The following INPP4B variants were observed in gnomAD, a reference collection of about 807,000 sequenced individuals.
INPP4B encodes the protein inositol polyphosphate 4-phosphatase type II.
A neutral mutation model predicts 122.5 loss-of-function variants in INPP4B; 55 were observed. The observed-to-expected ratio is 0.45, with a 90% CI of 0.36 to 0.56. The LOEUF (loss-of-function observed/expected upper bound fraction) is 0.56. INPP4B is among the 20% of genes least tolerant of loss of function. The pLI, the probability that INPP4B is intolerant of heterozygous loss-of-function variation, is 0.00. For missense variants in INPP4B, 1,000 were observed against 1,097.7 expected, an observed-to-expected ratio of 0.91 and a Z score of 1.26; for synonymous variants, 403 against 388.7, an observed-to-expected ratio of 1.04 and a Z score of -0.43.
chr4:142,330,787 G>A (rs766369365), intron 7 of INPP4B, among the ~76,000 whole-genome samples: 34 of 152,126 alleles, frequency 2.2e-4, no homozygotes, highest in Non-Finnish European at 2.9e-4. Flanking sequence ...TATGTTTTGT[G>A]CGTAAAGTGG....
chr4:142,060,344 G>GT (rs1318405394), intron 25 of INPP4B, among the ~76,000 whole-genome samples: 1 of 152,030 alleles, frequency 6.6e-6, no homozygotes, highest in Non-Finnish European at 1.5e-5. Context: ...GAATAAAAAT[G>GT]TATTCATTTA....
intron 11 of INPP4B, among the ~76,000 whole-genome samples, chr4:142,251,082 T>C (rs894307476): frequency 1.3e-5 from 2 of 152,192 alleles, no homozygotes; most frequent in African/African-American, 4.8e-5. Flanking sequence ...TAAAGATCTA[T>C]TTTTCAATAT....
chr4:142,547,253 T>C (rs1271251771), intron 2 of INPP4B, among the ~76,000 whole-genome samples: 1 of 152,030 alleles, frequency 6.6e-6, no homozygotes, highest in Admixed American at 6.6e-5. Flanking sequence ...ATACAAGTAG[T>C]ATTTCTGGAG....
intron 7 of INPP4B, chr4:142,347,514 G>A: frequency 2.3e-6 from 1 of 441,312 alleles, no homozygotes; most frequent in Middle Eastern, 3.3e-4. Flanking sequence ...ACTTGCCTCA[G>A]GGGTCAAAAA....
At chr4:142,169,455 C>T (rs960341899) in intron 16 of INPP4B, among the ~76,000 whole-genome samples, 3 of 151,662 alleles carry the variant, frequency 2.0e-5, no homozygotes, top group Admixed American at 6.6e-5. Flanking sequence ...AAGTAATCAA[C>T]ATAACATTCT....
chr4:142,725,178 A>C (rs1322126275), intron 2 of INPP4B, among the ~76,000 whole-genome samples: 1 of 152,150 alleles, frequency 6.6e-6, no homozygotes, highest in African/African-American at 2.4e-5. Flanking sequence ...TGTCATTAGA[A>C]TATTTGCATG....
At chr4:142,449,851 A>G (rs780808800) in intron 3 of INPP4B, among the ~76,000 whole-genome samples, 2 of 152,206 alleles carry the variant, frequency 1.3e-5, no homozygotes, top group Non-Finnish European at 2.9e-5. Flanking sequence ...TAAAAAGCCA[A>G]TGTGGGCTAC....
chr4:142,202,853 A>T (rs1172460341), intron 14 of INPP4B: 1 of 797,708 alleles, frequency 1.3e-6, no homozygotes, highest in Non-Finnish European at 1.5e-6. Flanking sequence ...GGGCAAGCCC[A>T]TTCATTCCCT....
intron 5 of INPP4B, among the ~76,000 whole-genome samples, chr4:142,416,906 A>G (rs187509945): frequency 3.9e-4 from 59 of 152,318 alleles, no homozygotes; most frequent in African/African-American, 1.3e-3. Context: ...GTGATCCAGG[A>G]TATAAGAGAA....
At chr4:142,799,985 A>G (rs546454053) in intron 1 of INPP4B, among the ~76,000 whole-genome samples, 2 of 152,212 alleles carry the variant, frequency 1.3e-5, no homozygotes, top group South Asian at 4.1e-4. Flanking sequence ...CACAGCTTAA[A>G]TTTCCAGAAG....
At chr4:142,428,191 G>A (rs532406197) in intron 5 of INPP4B, among the ~76,000 whole-genome samples, 1 of 150,986 alleles carries the variant, frequency 6.6e-6, no homozygotes, top group South Asian at 2.1e-4. Flanking sequence ...TAATAAAAAT[G>A]CATGTTCCTA....
rs571868126 is a variant in INPP4B, at chr4:142,613,509, T to C, written c.-191+112330A>G. 2.6e-5 allele frequency among the ~76,000 whole-genome samples: 4 copies of C among 152,300 alleles called. No individual in the cohort carries two copies. In the East Asian group the frequency reaches 7.7e-4, roughly 29 times the overall value. ...CATACATACACTGATTATACTGCAGTAGACTCTCAGTGTGTAGCTATGGCT... is the reference window on the plus strand; with the variant it reads ...CATACATACACTGATTATACTGCAGCAGACTCTCAGTGTGTAGCTATGGCT... On this transcript the variant is annotated intron_variant, in intron 2 of 25. Coordinates refer to ENST00000262992, the MANE Select transcript of INPP4B (RefSeq NM_001101669.3).
intron 2 of INPP4B, among the ~76,000 whole-genome samples, chr4:142,481,545 TGTTA>T (rs1210518015): frequency 6.6e-6 from 1 of 152,158 alleles, no homozygotes; most frequent in African/African-American, 2.4e-5. Flanking sequence ...ATTTCTCCTT[TGTTA>T]GAGATTTTAT....
At chr4:142,131,634 C>T (rs1208660015) in intron 18 of INPP4B, among the ~76,000 whole-genome samples, 2 of 152,214 alleles carry the variant, frequency 1.3e-5, no homozygotes, top group African/African-American at 4.8e-5. Flanking sequence ...GTAAACAGTA[C>T]ATTTCTTAGG....
chr4:142,564,794 C>A (rs1731276510), intron 2 of INPP4B, among the ~76,000 whole-genome samples: 1 of 151,826 alleles, frequency 6.6e-6, no homozygotes, highest in South Asian at 2.1e-4. Context: ...TGGGAGGAGT[C>A]CAGTAGTGGT....
At chr4:142,619,287 C>A (rs1046453110) in intron 2 of INPP4B, among the ~76,000 whole-genome samples, 5 of 152,008 alleles carry the variant, frequency 3.3e-5, no homozygotes, top group East Asian at 3.9e-4. Flanking sequence ...TATTTCCACT[C>A]CCATGCTCAC....
chr4:142,497,938 T>C (rs2149807171), intron 2 of INPP4B, among the ~76,000 whole-genome samples: 1 of 152,218 alleles, frequency 6.6e-6, no homozygotes, highest in East Asian at 1.9e-4. Context: ...GTGTGGTCTG[T>C]GCCTCATTTG....
chr4:142,325,795 A>G (rs1310678019), intron 7 of INPP4B, among the ~76,000 whole-genome samples: 3 of 152,204 alleles, frequency 2.0e-5, no homozygotes, highest in African/African-American at 7.2e-5. Flanking sequence ...CCAGTCATAC[A>G]GGACTCATGT....
At chr4:142,146,459 T>C (rs142657277) in intron 17 of INPP4B, among the ~76,000 whole-genome samples, 325 of 152,274 alleles carry the variant, frequency 2.1e-3, no homozygotes, top group Non-Finnish European at 4.0e-3. Flanking sequence ...CACATTGTCA[T>C]ACACCCATTA....
Sources: gnomAD v4.1 joint callset for allele counts (sites outside exome capture counted in the v4.1 genomes callset) on GRCh38, gnomAD v4.1.1 for gene constraint, MANE v1.5 for transcripts, NCBI Gene and HGNC (gene_info 2026-07-23, HGNC 2026-07-21) for gene names.